Variants in ABCC1 observed in about 807,000 individuals in gnomAD.
ABCC1 encodes multidrug resistance-associated protein 1.
Under a neutral mutation model 172.9 loss-of-function variants are expected in ABCC1, and 83 were observed. The observed-to-expected ratio is 0.48, with a 90% confidence interval of 0.40 to 0.58. The LOEUF is 0.58. ABCC1 is among the 20% of genes least tolerant of loss of function. The pLI is 0.00. For missense variants in ABCC1, 1,817 were observed against 2,002.7 expected, an observed-to-expected ratio of 0.91 and a Z score of 1.77; for synonymous variants, 937 against 825.2, an observed-to-expected ratio of 1.14 and a Z score of -2.32.
chr16:16,127,235 T>A (rs1361934842), intron 26 of ABCC1, among the ~76,000 whole-genome samples: 1 of 152,160 alleles, frequency 6.6e-6, no homozygotes, highest in African/African-American at 2.4e-5. Context: ...CTATGACTGA[T>A]TTTTGAGACA....
intron 27 of ABCC1, among the ~76,000 whole-genome samples, chr16:16,133,431 TCTCA>T (rs746089484): frequency 2.6e-5 from 4 of 152,088 alleles, no homozygotes; most frequent in East Asian, 1.9e-4. Flanking sequence ...TGAGACAGCC[TCTCA>T]CTCTGTCACC....
At chr16:15,975,028 C>T (rs2046451869) in intron 1 of ABCC1, among the ~76,000 whole-genome samples, 3 of 152,056 alleles carry the variant, frequency 2.0e-5, no homozygotes, top group South Asian at 4.1e-4. Context: ...CTCAAGTGAT[C>T]CCCCCCAGCC....
chr16:16,034,014 A>G (rs2048650885), intron 6 of ABCC1, among the ~76,000 whole-genome samples: 1 of 136,146 alleles, frequency 7.3e-6, no homozygotes, highest in South Asian at 2.3e-4. Flanking sequence ...TGCCCCTAAT[A>G]AGCATCATCT....
At chr16:16,104,743 G>A (rs2051987789) in intron 20 of ABCC1, among the ~76,000 whole-genome samples, 1 of 152,158 alleles carries the variant, frequency 6.6e-6, no homozygotes, top group African/African-American at 2.4e-5. Flanking sequence ...GGAGGCTCGG[G>A]CCGCGCAGGA....
chr16:16,122,168 C>T lies in ABCC1; in HGVS notation c.3584C>T (p.Ala1195Val). The change falls in exon 24 of 31, where the codon GCC (alanine) becomes GTC (valine). Residue 1195 changes from alanine (A) to valine (V), a missense_variant. Physicochemically the swap from Ala to Val is moderately conservative, Grantham distance 64. Coordinates refer to ENST00000399410, the MANE Select transcript of ABCC1 (RefSeq NM_004996.4). ...NQKAYYPSIV[A>V]NRWLAVRLEC... ...AAGGCCTATTACCCCAGCATCGTGG[C>T]CAACAGGTGGGCATGGTGGGCCTGC... 1 of 1,614,126 alleles carries T rather than the reference C, an allele frequency of 6.2e-7. No individual in the cohort carries two copies. Among genetic ancestry groups the T allele is most frequent in the Non-Finnish European group, 8.5e-7 (1 of 1,179,992 alleles).
intron 5 of ABCC1, among the ~76,000 whole-genome samples, chr16:16,026,711 T>G (rs2048387947): frequency 6.6e-6 from 1 of 151,564 alleles, no homozygotes; most frequent in African/African-American, 2.4e-5. Flanking sequence ...AGGTCAGGAG[T>G]TCGAGACCAG....
At chr16:16,032,603 G>A (rs1407325415) in intron 5 of ABCC1, among the ~76,000 whole-genome samples, 3 of 152,208 alleles carry the variant, frequency 2.0e-5, no homozygotes, top group African/African-American at 7.2e-5. Flanking sequence ...AATAATGCAA[G>A]TATATAAGCT....
At chr16:15,958,626 C>G (rs761625228) in intron 1 of ABCC1, among the ~76,000 whole-genome samples, 1 of 152,152 alleles carries the variant, frequency 6.6e-6, no homozygotes. Context: ...AACTCTAGCT[C>G]GTGAAAACTT....
intron 15 of ABCC1, among the ~76,000 whole-genome samples, chr16:16,078,802 C>G (rs2050691124): frequency 6.6e-6 from 1 of 152,156 alleles, no homozygotes; most frequent in Non-Finnish European, 1.5e-5. Flanking sequence ...TCAGCCTCCT[C>G]AGTAGCTGGG....
chr16:16,138,920 G>C (rs2046021684), intron 30 of ABCC1, among the ~76,000 whole-genome samples: 1 of 152,178 alleles, frequency 6.6e-6, no homozygotes, highest in African/African-American at 2.4e-5. Context: ...ATGTTGGCCA[G>C]GCTGGTCTCG....
chr16:15,957,149 A>C (rs1478447693), intron 1 of ABCC1, among the ~76,000 whole-genome samples: 1 of 151,072 alleles, frequency 6.6e-6, no homozygotes, highest in Non-Finnish European at 1.5e-5. Flanking sequence ...GCGCGACCTC[A>C]GCTCACTGCA....
At chr16:16,056,927 C>T (rs1567356066) in intron 12 of ABCC1, among the ~76,000 whole-genome samples, 1 of 152,088 alleles carries the variant, frequency 6.6e-6, no homozygotes, top group Non-Finnish European at 1.5e-5. Context: ...CGCTTGGTGC[C>T]ATAGTTGATC....
At chr16:16,082,029 C>A in intron 16 of ABCC1, among the ~76,000 whole-genome samples, 1 of 152,260 alleles carries the variant, frequency 6.6e-6, no homozygotes, top group South Asian at 2.1e-4. Flanking sequence ...AAAAAATCTT[C>A]AGGGGCTCCC....
chr16:15,982,601 G>A (rs2046646920), intron 1 of ABCC1, among the ~76,000 whole-genome samples: 1 of 149,324 alleles, frequency 6.7e-6, no homozygotes, highest in Admixed American at 6.7e-5. Flanking sequence ...AGTTCAAAAT[G>A]AGATTTGGGT....
intron 5 of ABCC1, among the ~76,000 whole-genome samples, chr16:16,029,381 T>C (rs1210499369): frequency 6.6e-6 from 1 of 152,002 alleles, no homozygotes; most frequent in Non-Finnish European, 1.5e-5. Context: ...TGCCACCATG[T>C]CCGGCCAATT....
At chr16:16,079,147 C>T (rs968862818) in intron 15 of ABCC1, among the ~76,000 whole-genome samples, 2 of 152,178 alleles carry the variant, frequency 1.3e-5, no homozygotes, top group African/African-American at 4.8e-5. Context: ...ACCTGCCTCC[C>T]ACCTGGAGGC....
At chr16:16,052,075 C>A (rs551572257) in intron 10 of ABCC1, among the ~76,000 whole-genome samples, 2 of 151,992 alleles carry the variant, frequency 1.3e-5, no homozygotes, top group South Asian at 2.1e-4. Context: ...TACAAAAAAT[C>A]AAAAAAATAG....
At chr16:16,102,430 C>G (rs753404123) in intron 19 of ABCC1, among the ~76,000 whole-genome samples, 197 bp from the exon 20 acceptor site, 17 of 152,220 alleles carry the variant, frequency 1.1e-4, no homozygotes, top group Non-Finnish European at 2.1e-4. Flanking sequence ...CCCCAAGGGA[C>G]TGAGCTCCAG....
At chr16:16,126,324 T>G (rs538179536) in intron 26 of ABCC1, among the ~76,000 whole-genome samples, 1 of 152,172 alleles carries the variant, frequency 6.6e-6, no homozygotes, top group Admixed American at 6.5e-5. Flanking sequence ...GCCCTCACAC[T>G]TGGAGTCTTC....
Sources: gnomAD v4.1 joint callset for allele counts (sites outside exome capture counted in the v4.1 genomes callset) on GRCh38, gnomAD v4.1.1 for gene constraint, MANE v1.5 for transcripts, NCBI Gene and HGNC (gene_info 2026-07-23, HGNC 2026-07-21) for gene names.